Variants in SPTLC3 observed in about 807,000 individuals in gnomAD.
SPTLC3 encodes the protein serine palmitoyltransferase long chain base subunit 3, also known as serine palmitoyltransferase 3.
In SPTLC3, 36 loss-of-function variants were observed where a neutral mutation model predicts 59.3. The ratio of observed to expected loss-of-function variants is 0.61; its 90% CI spans 0.47 to 0.80. The LOEUF (loss-of-function observed/expected upper bound fraction) is 0.80. Among genes scored for constraint, SPTLC3 ranks in the 30% least tolerant of loss-of-function variants. SPTLC3 has a pLI of 0.00. For missense variants in SPTLC3, 625 were observed against 685.1 expected (o/e 0.91, Z 0.98); for synonymous variants, 257 against 240.8 (o/e 1.07, Z -0.62).
At chr20:13,064,843 C>T (rs897014194) in intron 2 of SPTLC3, among the ~76,000 whole-genome samples, 6 of 152,038 alleles carry the variant, frequency 3.9e-5, no homozygotes, top group African/African-American at 9.7e-5. Context: ...CATTTCTTTA[C>T]GTATTTCTTA....
At chr20:13,087,398 A>G (rs1989039004) in intron 4 of SPTLC3, among the ~76,000 whole-genome samples, 1 of 152,160 alleles carries the variant, frequency 6.6e-6, no homozygotes, top group African/African-American at 2.4e-5. Flanking sequence ...GGGGAAATAT[A>G]TCAAGTTGGC....
intron 7 of SPTLC3, among the ~76,000 whole-genome samples, chr20:13,115,189 G>C (rs1219111159): frequency 6.6e-6 from 1 of 152,118 alleles, no homozygotes; most frequent in African/African-American, 2.4e-5. Flanking sequence ...TTTTATGCAT[G>C]CGCTAGACTC....
intron 1 of SPTLC3, among the ~76,000 whole-genome samples, chr20:13,032,144 C>T (rs1408276829): frequency 1.3e-5 from 2 of 152,138 alleles, no homozygotes; most frequent in African/African-American, 4.8e-5. Context: ...ACCAATAGTA[C>T]ATTGTTTTCT....
chr20:13,034,719 C>T (rs1986656018), intron 1 of SPTLC3, among the ~76,000 whole-genome samples: 1 of 151,726 alleles, frequency 6.6e-6, no homozygotes, highest in Non-Finnish European at 1.5e-5. Context: ...TTAAACTACC[C>T]CAAATCAAGA....
chr20:13,146,117 C>A (rs942390674), intron 9 of SPTLC3, among the ~76,000 whole-genome samples: 3 of 152,188 alleles, frequency 2.0e-5, no homozygotes, highest in African/African-American at 7.2e-5. Context: ...AAGATCATGT[C>A]TTTTGCAGGA....
At chr20:13,102,214 C>G (rs1017133081) in intron 6 of SPTLC3, among the ~76,000 whole-genome samples, 17 of 152,144 alleles carry the variant, frequency 1.1e-4, no homozygotes, top group Non-Finnish European at 7.4e-5. Flanking sequence ...TTTTATATTT[C>G]AATGTCCAAC....
At chr20:13,133,035 T>G (rs959423784) in intron 9 of SPTLC3, 2 of 152,484 alleles carry the variant, frequency 1.3e-5, no homozygotes, top group Non-Finnish European at 2.9e-5. Flanking sequence ...AAACTTGATC[T>G]CTCTGCATCA....
intron 1 of SPTLC3, among the ~76,000 whole-genome samples, chr20:13,030,266 G>A (rs954269186): frequency 6.6e-6 from 1 of 152,180 alleles, no homozygotes; most frequent in Non-Finnish European, 1.5e-5. Flanking sequence ...GAATTTAGGA[G>A]ACTAGCCTTT....
At chr20:13,068,297 A>G (rs901202713) in intron 2 of SPTLC3, among the ~76,000 whole-genome samples, 11 of 152,336 alleles carry the variant, frequency 7.2e-5, no homozygotes, top group African/African-American at 2.2e-4. Context: ...ATTTTCTATC[A>G]TATCTAGCCA....
intron 1 of SPTLC3, among the ~76,000 whole-genome samples, chr20:13,026,931 C>A (rs1600213329): frequency 6.6e-6 from 1 of 152,176 alleles, no homozygotes; most frequent in Admixed American, 6.5e-5. Flanking sequence ...AGTGCTCAAC[C>A]TTTGACTGAT....
At chr20:13,016,444 A>ATAT (rs1985532240) in intron 1 of SPTLC3, among the ~76,000 whole-genome samples, 1 of 152,178 alleles carries the variant, frequency 6.6e-6, no homozygotes. Flanking sequence ...TGCAAAGTGG[A>ATAT]TATTATTAGC....
chr20:13,122,904 C>T (rs894675942), intron 8 of SPTLC3, among the ~76,000 whole-genome samples: 1 of 152,152 alleles, frequency 6.6e-6, no homozygotes, highest in Non-Finnish European at 1.5e-5. Context: ...AATGCGTAGT[C>T]ACACAACCTT....
rs567585973 is a variant in SPTLC3 at position 13,023,107 on chromosome 20, G to A, written c.117+13723G>A. On this transcript the variant is annotated intron_variant, in intron 1 of 11. Transcript: ENST00000399002. ...AACACCCTTTACCCAGACATCCACA[G>A]GGCTCACCCTTCTCCTACTTGAAGT... Among the ~76,000 whole-genome samples, 8 of 151,858 alleles carry A rather than the reference G, an allele frequency of 5.3e-5. No homozygotes were observed. In the East Asian group the frequency reaches 1.6e-3, roughly 30 times the overall value.
intron 1 of SPTLC3, among the ~76,000 whole-genome samples, chr20:13,041,390 C>T (rs1986974917): frequency 6.6e-6 from 1 of 152,062 alleles, no homozygotes; most frequent in Admixed American, 6.5e-5. Context: ...TTGAGCCCCT[C>T]TAGTAAGTTT....
At chr20:13,139,237 C>T (rs2038323252) in intron 9 of SPTLC3, among the ~76,000 whole-genome samples, 1 of 152,030 alleles carries the variant, frequency 6.6e-6, no homozygotes, top group Non-Finnish European at 1.5e-5. Flanking sequence ...ATTTGGGTTT[C>T]TTTTTACAGA....
At chr20:13,134,817 C>T (rs190418195) in intron 9 of SPTLC3, among the ~76,000 whole-genome samples, 17 of 152,142 alleles carry the variant, frequency 1.1e-4, no homozygotes, top group Non-Finnish European at 2.2e-4. Flanking sequence ...AGAAAAAGCC[C>T]GAAAGAGAAA....
intron 8 of SPTLC3, among the ~76,000 whole-genome samples, chr20:13,118,900 G>A (rs1203422058): frequency 6.6e-6 from 1 of 152,246 alleles, no homozygotes; most frequent in Non-Finnish European, 1.5e-5. Context: ...TGCTTAAAAT[G>A]TTCAGAGTTT....
At chr20:13,150,480 T>A (rs2038617592) in intron 9 of SPTLC3, among the ~76,000 whole-genome samples, 1 of 152,228 alleles carries the variant, frequency 6.6e-6, no homozygotes, top group Non-Finnish European at 1.5e-5. Context: ...TACTTGGAAC[T>A]GCCTATCTCT....
In SPTLC3 at chr20:13,009,329, G is replaced by A; in HGVS notation, c.62G>A (p.Ser21Asn). The A allele has an allele frequency of 6.2e-7, 1 of 1,614,076 alleles. No homozygotes were observed. Reference protein sequence around the residue: ...NGKLHNHKKQSNGSQSRNCTK... With the variant: ...NGKLHNHKKQNNGSQSRNCTK... Reference sequence around the variant, plus strand: ...AAACTTCACAATCACAAGAAACAGAGCAATGGCTCACAAAGCAGAAACTGC... The same window carrying A: ...AAACTTCACAATCACAAGAAACAGAACAATGGCTCACAAAGCAGAAACTGC... The change falls in exon 1 of 12, where the codon AGC (serine) becomes AAC (asparagine). Residue 21 changes from serine (S) to asparagine (N), a missense_variant. Ser to Asn is a conservative substitution (Grantham distance 46, BLOSUM62 1). Transcript: ENST00000399002.
Sources: allele counts gnomAD v4.1 joint callset (sites outside exome capture counted in the v4.1 genomes callset), GRCh38; gene constraint gnomAD v4.1.1; transcripts MANE v1.5; gene names NCBI Gene and HGNC (gene_info 2026-07-23, HGNC 2026-07-21).